The following PRKCE variants were observed in gnomAD, a reference collection of about 807,000 sequenced individuals.
The protein encoded by PRKCE is protein kinase C epsilon.
In PRKCE, 16 loss-of-function variants were observed where a neutral mutation model predicts 85.4. The observed-to-expected ratio is 0.19, with a 90% CI of 0.13 to 0.28. The LOEUF (loss-of-function observed/expected upper bound fraction) is 0.28. Ranked by LOEUF, PRKCE falls within the 10% of genes least tolerant of loss-of-function variation. PRKCE has a pLI of 1.00. For missense variants in PRKCE, 573 were observed against 975.2 expected (o/e 0.59, Z 5.49); for synonymous variants, 388 against 371.5 (o/e 1.04, Z -0.51).
intron 11 of PRKCE, among the ~76,000 whole-genome samples, chr2:46,100,759 G>C (rs1671133513): frequency 6.6e-6 from 1 of 152,204 alleles, no homozygotes. Flanking sequence ...AGTCATTTTT[G>C]CTGTGCCAGG....
intron 1 of PRKCE, among the ~76,000 whole-genome samples, chr2:45,742,036 A>T (rs1052147276): frequency 6.6e-6 from 1 of 152,168 alleles, no homozygotes; most frequent in East Asian, 1.9e-4. Context: ...GGTGCTCTCC[A>T]TCTCATTCTT....
chr2:45,821,636 G>C (rs2105335953), intron 1 of PRKCE, among the ~76,000 whole-genome samples: 1 of 152,218 alleles, frequency 6.6e-6, no homozygotes, highest in Admixed American at 6.5e-5. Flanking sequence ...GCATGTGTCG[G>C]GGGACTTGGG....
chr2:46,082,162 C>T (rs1467571638), intron 10 of PRKCE, among the ~76,000 whole-genome samples: 1 of 151,968 alleles, frequency 6.6e-6, no homozygotes, highest in East Asian at 1.9e-4. Flanking sequence ...CGGCAAGGTC[C>T]CTCTACCTGG....
intron 12 of PRKCE, among the ~76,000 whole-genome samples, chr2:46,147,028 A>G (rs1676134185): frequency 6.6e-6 from 1 of 152,166 alleles, no homozygotes. Flanking sequence ...GGAGTGAGGG[A>G]CTGATGGTCA....
chr2:45,929,615 A>T (rs549135566), intron 2 of PRKCE, among the ~76,000 whole-genome samples: 32 of 152,252 alleles, frequency 2.1e-4, no homozygotes, highest in African/African-American at 7.7e-4. Context: ...AACTTAGAGA[A>T]CTCATATTAT....
At chr2:45,940,636 GCA>G (rs371881873) in intron 2 of PRKCE, among the ~76,000 whole-genome samples, 1 of 152,144 alleles carries the variant, frequency 6.6e-6, no homozygotes, top group Admixed American at 6.5e-5. Context: ...TTCACACAGC[GCA>G]CACTCTTGCG....
intron 10 of PRKCE, among the ~76,000 whole-genome samples, chr2:46,061,185 C>T (rs556140243): frequency 1.4e-5 from 2 of 145,546 alleles, no homozygotes; most frequent in South Asian, 4.3e-4. Context: ...TCAGGGCTCG[C>T]TGCAGCCTCA....
At chr2:45,759,138 C>T (rs1684239040) in intron 1 of PRKCE, among the ~76,000 whole-genome samples, 1 of 152,234 alleles carries the variant, frequency 6.6e-6, no homozygotes, top group Non-Finnish European at 1.5e-5. Flanking sequence ...TCCCCTGCCC[C>T]TGCCCTCCAT....
intron 4 of PRKCE, 28 bp downstream of exon 4, chr2:45,979,038 C>T (rs1158522332): frequency 6.3e-7 from 1 of 1,596,964 alleles, no homozygotes; most frequent in Admixed American, 1.7e-5. Context: ...ATTAAATCTT[C>T]AGAGGCCCGT....
chr2:46,029,262 G>A (rs1707347234), intron 10 of PRKCE, among the ~76,000 whole-genome samples: 1 of 152,196 alleles, frequency 6.6e-6, no homozygotes, highest in African/African-American at 2.4e-5. Flanking sequence ...TTAAGAAGTG[G>A]TAGAATTGGA....
intron 1 of PRKCE, among the ~76,000 whole-genome samples, chr2:45,724,279 G>C (rs1482521146): frequency 5.3e-5 from 8 of 152,166 alleles, no homozygotes; most frequent in Admixed American, 3.9e-4. Flanking sequence ...TATTATAACT[G>C]TTTTGGAGTG....
chr2:46,070,369 C>T (rs1026894037), intron 10 of PRKCE, among the ~76,000 whole-genome samples: 22 of 152,314 alleles, frequency 1.4e-4, no homozygotes, highest in Non-Finnish European at 2.4e-4. Context: ...TATGGCTGGG[C>T]GCGGTGGCGC....
intron 1 of PRKCE, among the ~76,000 whole-genome samples, chr2:45,819,202 A>T (rs1689323981): frequency 6.6e-6 from 1 of 152,186 alleles, no homozygotes; most frequent in African/African-American, 2.4e-5. Flanking sequence ...CCTCACAACA[A>T]TTCTGTGAGG....
At chr2:46,102,043 C>A (rs568872329) in intron 11 of PRKCE, among the ~76,000 whole-genome samples, 1 of 151,808 alleles carries the variant, frequency 6.6e-6, no homozygotes, top group Non-Finnish European at 1.5e-5. Context: ...CAGGTCCCGG[C>A]GGGAAAGGTG....
At chr2:45,937,169 C>T (rs992250452) in intron 2 of PRKCE, among the ~76,000 whole-genome samples, 3 of 152,130 alleles carry the variant, frequency 2.0e-5, no homozygotes, top group Non-Finnish European at 4.4e-5. Context: ...AAAAATGTTC[C>T]CTTTATAGTT....
At chr2:45,778,732 C>T (rs1218609271) in intron 1 of PRKCE, among the ~76,000 whole-genome samples, 1 of 152,298 alleles carries the variant, frequency 6.6e-6, no homozygotes, top group South Asian at 2.1e-4. Flanking sequence ...TGTATGTTCC[C>T]GGCTGATGGC....
chr2:46,093,743 A>G (rs1670410231), intron 11 of PRKCE, among the ~76,000 whole-genome samples: 1 of 152,058 alleles, frequency 6.6e-6, no homozygotes, highest in South Asian at 2.1e-4. Flanking sequence ...CTAGTGACCT[A>G]CCACTGTGGA....
intron 1 of PRKCE, among the ~76,000 whole-genome samples, chr2:45,662,881 A>AAGCG (rs548964938): frequency 6.8e-6 from 1 of 147,408 alleles, no homozygotes; most frequent in African/African-American, 2.7e-5. Context: ...GCAAGCAAGC[A>AAGCG]AGCAAGCAAG....
At chr2:45,828,190 A>C (rs1305264002) in intron 1 of PRKCE, among the ~76,000 whole-genome samples, 1 of 152,230 alleles carries the variant, frequency 6.6e-6, no homozygotes, top group Non-Finnish European at 1.5e-5. Flanking sequence ...CACCTCACAA[A>C]AGTGGAGGAA....
Sources: gnomAD v4.1 joint callset for allele counts (sites outside exome capture counted in the v4.1 genomes callset) on GRCh38, gnomAD v4.1.1 for gene constraint, MANE v1.5 for transcripts, NCBI Gene and HGNC (gene_info 2026-07-23, HGNC 2026-07-21) for gene names.